The following WFDC11 variants were observed in gnomAD, a reference collection of about 807,000 sequenced individuals.
WFDC11 encodes the protein WAP four-disulfide core domain 11, also known as protein WFDC11.
In WFDC11, 9 loss-of-function variants were observed where a neutral mutation model predicts 9.9. The observed-to-expected ratio is 0.91, with a 90% CI of 0.55 to 1.58. The LOEUF (loss-of-function observed/expected upper bound fraction) is 1.58. WFDC11 is among the 40% of genes most tolerant of loss of function. The pLI, the probability that WFDC11 is intolerant of heterozygous loss-of-function variation, is 0.00. For missense variants in WFDC11, 106 were observed against 101.7 expected, an observed-to-expected ratio of 1.04 and a Z score of -0.18; for synonymous variants, 32 against 33.3, an observed-to-expected ratio of 0.96 and a Z score of 0.13.
chr20:45,653,931 C>T (rs1278061022), intron 2 of WFDC11, among the ~76,000 whole-genome samples: 4 of 152,174 alleles, frequency 2.6e-5, no homozygotes, highest in African/African-American at 9.7e-5. Context: ...ATTCATAAAG[C>T]AAGTCCTGAG....
intron 2 of WFDC11, among the ~76,000 whole-genome samples, chr20:45,658,827 C>A (rs897342616): frequency 6.6e-6 from 1 of 152,060 alleles, no homozygotes; most frequent in Admixed American, 6.6e-5. Context: ...ACCCATCAAC[C>A]CGTCATCTAC....
chr20:45,660,966 G>A (rs906177742), intron 2 of WFDC11, among the ~76,000 whole-genome samples: 2 of 152,128 alleles, frequency 1.3e-5, no homozygotes, highest in African/African-American at 4.8e-5. Context: ...GGTATTTCTA[G>A]TTCTAGATCC....
chr20:45,648,807 G>A (rs1329060371), intron 4 of WFDC11, 68 bp from the exon 5 acceptor site: 1 of 1,479,360 alleles, frequency 6.8e-7, no homozygotes, highest in African/African-American at 1.4e-5. Context: ...CATTCCCCCT[G>A]CTTAATAGTA....
intron 3 of WFDC11, 146 bp from the exon 4 acceptor site, chr20:45,649,545 C>T: frequency 2.2e-6 from 2 of 917,268 alleles, no homozygotes; most frequent in Non-Finnish European, 3.3e-6. Flanking sequence ...AAGGGAATTG[C>T]CTTCATGAGC....
intron 2 of WFDC11, among the ~76,000 whole-genome samples, chr20:45,660,620 G>A (rs1245309408): frequency 6.6e-6 from 1 of 152,060 alleles, no homozygotes; most frequent in Non-Finnish European, 1.5e-5. Context: ...CTGTGTCCAT[G>A]TGTTCTCATT....
chr20:45,659,895 G>A (rs926200019), intron 2 of WFDC11, among the ~76,000 whole-genome samples: 2 of 152,080 alleles, frequency 1.3e-5, no homozygotes, highest in African/African-American at 4.8e-5. Context: ...TTTGTATAAG[G>A]TTAAGAAAAG....
At chr20:45,657,720 T>C (rs367662018) in intron 2 of WFDC11, among the ~76,000 whole-genome samples, 2 of 152,200 alleles carry the variant, frequency 1.3e-5, no homozygotes, top group East Asian at 3.8e-4. Flanking sequence ...GCTTAATTTT[T>C]CTCTTTAATG....
At chr20:45,663,335 G>T (rs1983114585) in intron 2 of WFDC11, among the ~76,000 whole-genome samples, 1 of 151,902 alleles carries the variant, frequency 6.6e-6, no homozygotes, top group South Asian at 2.1e-4. Context: ...TTGTCGCAAT[G>T]CTAGTGGTCT....
At chr20:45,651,744 T>C (rs2145615732) in intron 2 of WFDC11, among the ~76,000 whole-genome samples, 1 of 152,322 alleles carries the variant, frequency 6.6e-6, no homozygotes, top group Admixed American at 6.5e-5. Context: ...ACCCTAATAC[T>C]GCGCTTTTCC....
chr20:45,665,118 T>G (rs140596912), intron 2 of WFDC11, among the ~76,000 whole-genome samples: 2 of 152,224 alleles, frequency 1.3e-5, no homozygotes, highest in East Asian at 3.8e-4. Flanking sequence ...TCATTTCTTT[T>G]TACTCTTTTT....
At chr20:45,649,961 C>T (rs568978599) in intron 3 of WFDC11, among the ~76,000 whole-genome samples, 20 of 152,198 alleles carry the variant, frequency 1.3e-4, no homozygotes, top group Non-Finnish European at 2.6e-4. Flanking sequence ...ATCATATGAC[C>T]CCCAAGGTTG....
intron 3 of WFDC11, among the ~76,000 whole-genome samples, 180 bp downstream of exon 3, chr20:45,650,321 T>C (rs546839184): frequency 6.6e-6 from 1 of 152,008 alleles, no homozygotes; most frequent in Non-Finnish European, 1.5e-5. Flanking sequence ...AGAGGAAGCA[T>C]TGAAGGACCT....
intron 2 of WFDC11, among the ~76,000 whole-genome samples, chr20:45,664,903 C>T (rs1481464482): frequency 3.3e-5 from 5 of 152,120 alleles, no homozygotes; most frequent in Non-Finnish European, 7.4e-5. Context: ...CTTGGGGTTG[C>T]TCTTCTCGAG....
At chr20:45,656,439 G>C (rs1360622286) in intron 2 of WFDC11, among the ~76,000 whole-genome samples, 1 of 152,182 alleles carries the variant, frequency 6.6e-6, no homozygotes, top group Non-Finnish European at 1.5e-5. Flanking sequence ...ATTAATTCAA[G>C]ATGGATTAAA....
chr20:45,669,319 C>T lies in WFDC11; in HGVS notation c.-134+859G>A, dbSNP rs182721661. Reference sequence around the variant, plus strand: ...ATGGAAAAATTATAGCACAGGCATACCTCATAGATATTACAGATTCAGTTC... The same window carrying T: ...ATGGAAAAATTATAGCACAGGCATATCTCATAGATATTACAGATTCAGTTC... On this transcript the variant is annotated intron_variant, in intron 1 of 4. Transcript: ENST00000324384. 1.7e-3 allele frequency among the ~76,000 whole-genome samples: 255 copies of T among 152,268 alleles called. 1 individual carries two copies. Among genetic ancestry groups the T allele is most frequent in the Non-Finnish European group, 2.3e-3 (156 of 68,004 alleles).
At chr20:45,669,657 T>C (rs1484133706) in intron 1 of WFDC11, among the ~76,000 whole-genome samples, 1 of 152,130 alleles carries the variant, frequency 6.6e-6, no homozygotes, top group Non-Finnish European at 1.5e-5. Flanking sequence ...CCAAAATCTC[T>C]GGGACACAAT....
intron 1 of WFDC11, among the ~76,000 whole-genome samples, 187 bp downstream of exon 1, chr20:45,669,991 T>C (rs1009803031): frequency 1.3e-5 from 2 of 152,030 alleles, no homozygotes. Flanking sequence ...ATATTACCAC[T>C]GACCCCATAA....
chr20:45,659,199 A>G (rs141576635), intron 2 of WFDC11, among the ~76,000 whole-genome samples: 1 of 152,236 alleles, frequency 6.6e-6, no homozygotes, highest in South Asian at 2.1e-4. Context: ...TTATAGCAGC[A>G]TGATTTATAA....
At chr20:45,655,934 G>A (rs1451876537) in intron 2 of WFDC11, among the ~76,000 whole-genome samples, 2 of 151,976 alleles carry the variant, frequency 1.3e-5, no homozygotes, top group African/African-American at 2.4e-5. Context: ...AAATAAAAGA[G>A]GATACAAACA....
Sources: allele counts gnomAD v4.1 joint callset (sites outside exome capture counted in the v4.1 genomes callset), GRCh38; gene constraint gnomAD v4.1.1; transcripts MANE v1.5; gene names NCBI Gene and HGNC (gene_info 2026-07-23, HGNC 2026-07-21).